Variants in ZNF701 observed in about 807,000 individuals in gnomAD.
The protein encoded by ZNF701 is zinc finger protein 701.
A neutral mutation model predicts 7.1 loss-of-function variants in ZNF701; 6 were observed. The observed-to-expected ratio is 0.84, with a 90% CI of 0.46 to 1.66. The LOEUF is 1.66. Ranked by LOEUF, ZNF701 falls within the 40% of genes most tolerant of loss-of-function variation. The pLI, the probability that ZNF701 is intolerant of heterozygous loss-of-function variation, is 0.01. For missense variants in ZNF701, 541 were observed against 559.2 expected, an observed-to-expected ratio of 0.97 and a Z score of 0.33; for synonymous variants, 166 against 188.2, an observed-to-expected ratio of 0.88 and a Z score of 0.97.
In ZNF701 at chr19:52,586,206, C is replaced by G. The variant is rs548460964; in HGVS notation, c.*2749C>G. ...ACAGCCGCGCGCCACCACACCGCGC[C>G]AATTTTTGTGTTCTTGGTAGAGACC... is the stretch of plus-strand genomic sequence containing the variant. On this transcript the variant is annotated 3_prime_UTR_variant, in exon 4 of 4. Transcript: ENST00000391785. 1 of 151,982 alleles carries G rather than the reference C, an allele frequency of 6.6e-6. No homozygotes were observed. Among genetic ancestry groups the G allele is most frequent in the Non-Finnish European group, 1.5e-5 (1 of 68,060 alleles). The allele number at this position is 151,982 out of a possible 1,614,324, so 9.4% of individuals were successfully genotyped here. A position where few individuals can be genotyped will look rare whatever the true frequency, so the allele number is the denominator to read the frequency against.
downstream of ZNF701, among the ~76,000 whole-genome samples, chr19:52,587,714 A>G (rs2060020431): frequency 6.6e-6 from 1 of 152,186 alleles, no homozygotes; most frequent in Admixed American, 6.5e-5. Flanking sequence ...GCGCCATCTG[A>G]GTGGAGCTCA....
At chr19:52,575,360 A>G (rs1382096167) in intron 2 of ZNF701, among the ~76,000 whole-genome samples, 1 of 152,124 alleles carries the variant, frequency 6.6e-6, no homozygotes, top group East Asian at 1.9e-4. Context: ...ATATACACAC[A>G]CACATATGTA....
downstream of ZNF701, among the ~76,000 whole-genome samples, chr19:52,589,562 C>T (rs1254536966): frequency 6.6e-6 from 1 of 151,500 alleles, no homozygotes; most frequent in Non-Finnish European, 1.5e-5. Flanking sequence ...TGACTGCAGC[C>T]TCCACCTCCC....
chr19:52,598,350 G>T, the ZNF701 span, among the ~76,000 whole-genome samples: 3 of 152,172 alleles, frequency 2.0e-5, no homozygotes, highest in African/African-American at 2.4e-5. Context: ...TGGTTTTAAT[G>T]CAAAGCGCCT....
downstream of ZNF701, among the ~76,000 whole-genome samples, chr19:52,587,831 A>T (rs1296169772): frequency 6.6e-6 from 1 of 152,246 alleles, no homozygotes; most frequent in East Asian, 1.9e-4. Context: ...TCAATAATAC[A>T]ATGGCACTGG....
rs1482308653 is a variant in ZNF701, at chr19:52,584,624, A to G, written c.*1167A>G. The G allele has an allele frequency of 6.6e-6, 1 of 152,252 alleles. No homozygotes were observed. Among genetic ancestry groups the G allele is most frequent in the East Asian group, 1.9e-4 (1 of 5,200 alleles). 9.4% of individuals were successfully genotyped at this position (152,252 alleles called of 1,614,324 possible). On this transcript the variant is annotated 3_prime_UTR_variant, in exon 4 of 4. Transcript: ENST00000391785. ...ATTTTGGTTAATGTTTGTAGATTTCAAGGTGTGAAATTCTCAGTTTTTTTA... is the reference window on the plus strand; with the variant it reads ...ATTTTGGTTAATGTTTGTAGATTTCGAGGTGTGAAATTCTCAGTTTTTTTA...
chr19:52,589,444 T>C (rs540488493), downstream of ZNF701, among the ~76,000 whole-genome samples: 2 of 152,008 alleles, frequency 1.3e-5, no homozygotes, highest in African/African-American at 2.4e-5. Flanking sequence ...TGCATTTTTT[T>C]AGGATAAAAC....
intron 1 of ZNF701, chr19:52,572,119 G>T: frequency 3.8e-6 from 1 of 262,878 alleles, no homozygotes; most frequent in Middle Eastern, 1.5e-3. Flanking sequence ...CACCGAGCCC[G>T]GCCTACTCAC....
intron 1 of ZNF701, among the ~76,000 whole-genome samples, chr19:52,571,550 G>A (rs988671191): frequency 6.6e-5 from 10 of 152,090 alleles, no homozygotes; most frequent in Non-Finnish European, 1.3e-4. Context: ...AGTAGAGACG[G>A]GGTTTCACCA....
At chr19:52,576,050 G>A in intron 3 of ZNF701, 29 bp downstream of exon 3, 1 of 1,598,190 alleles carries the variant, frequency 6.3e-7, no homozygotes, top group Non-Finnish European at 8.5e-7. Context: ...CAGAAGTGGG[G>A]ATGTGCCCTT....
rs1172780738 is a variant in ZNF701 at position 52,582,850 on chromosome 19, A to G, written c.791A>G (p.His264Arg). Residue 264 changes from histidine to arginine, a missense_variant, in exon 4 of 4, where the codon CAC (histidine) becomes CGC (arginine). Physicochemically the swap from His to Arg is conservative, Grantham distance 29. Coordinates refer to ENST00000391785, the MANE Select transcript of ZNF701 (RefSeq NM_018260.3). ...QKRYLACHRC[H>R]TGENPYTCNE... is the part of the protein sequence containing the mutation. ...CGATACCTTGCATGCCATAGATGTC[A>G]CACTGGTGAGAATCCTTACACGTGT... is the stretch of plus-strand genomic sequence containing the variant. 2.5e-6 allele frequency: 4 copies of G among 1,614,224 alleles called. No homozygotes were observed. Among genetic ancestry groups the G allele is most frequent in the Non-Finnish European group, 3.4e-6 (4 of 1,180,028 alleles).
At chr19:52,577,938 GAA>G (rs2059946575) in intron 3 of ZNF701, among the ~76,000 whole-genome samples, 1 of 152,036 alleles carries the variant, frequency 6.6e-6, no homozygotes, top group Admixed American at 6.6e-5. Flanking sequence ...AAGGAATAGT[GAA>G]AGTCTTTGAT....
Position 52,585,236 on chromosome 19 carries a change from T to G in ZNF701, c.*1779T>G, listed in dbSNP as rs1354654306. ...ACCCGTCCTCCCGCCTCGCGCTGTT[T>G]CAGGTCCTCACCAGCGAGTTGGACT... On this transcript the variant is annotated 3_prime_UTR_variant, in exon 4 of 4. Transcript: ENST00000391785. The G allele has an allele frequency of 6.6e-6, 1 of 152,280 alleles. No homozygotes were observed. The highest frequency in any genetic ancestry group is 2.4e-5 in the African/African-American group (1 of 41,388). The allele number at this position is 152,280 out of a possible 1,614,324, so 9.4% of individuals were successfully genotyped here. A position where few individuals can be genotyped will look rare whatever the true frequency, so the allele number is the denominator to read the frequency against.
At chr19:52,588,511 C>G (rs67036527), downstream of ZNF701, 62,849 of 268,154 alleles carry the variant, frequency 0.23, 7,903 homozygotes, top group Admixed American at 0.32. Context: ...AAAATTAAAT[C>G]TCATATTTTT....
At chr19:52,595,564 C>T in the ZNF701 span, 11 of 778,646 alleles carry the variant, frequency 1.4e-5, no homozygotes, top group Non-Finnish European at 2.0e-5. Context: ...GCCACTGCAC[C>T]TGGCCTACCA....
intron 3 of ZNF701, among the ~76,000 whole-genome samples, chr19:52,578,627 C>T (rs561310649): frequency 4.6e-5 from 7 of 152,354 alleles, no homozygotes; most frequent in Middle Eastern, 3.4e-3. Flanking sequence ...CAAAGCGCTG[C>T]GATTACAGGC....
the ZNF701 span, chr19:52,597,454 G>T: frequency 2.3e-6 from 1 of 442,938 alleles, no homozygotes; most frequent in Non-Finnish European, 4.5e-6. Context: ...AGATCATAAA[G>T]CTTTAATTGA....
At chr19:52,597,884 A>C in the ZNF701 span, 19,401 of 164,536 alleles carry the variant, frequency 0.12, 1,269 homozygotes, top group Middle Eastern at 0.17. Flanking sequence ...GCAGGACTAG[A>C]TTCTCCGGGT....
At chr19:52,570,623 G>T (rs1007403028) in intron 1 of ZNF701, 1 of 152,246 alleles carries the variant, frequency 6.6e-6, no homozygotes, top group African/African-American at 2.4e-5. Context: ...GCTTTTCAAA[G>T]TCCTCACCCG....
Sources: gnomAD v4.1 joint callset for allele counts (sites outside exome capture counted in the v4.1 genomes callset) on GRCh38, gnomAD v4.1.1 for gene constraint, MANE v1.5 for transcripts, NCBI Gene and HGNC (gene_info 2026-07-23, HGNC 2026-07-21) for gene names.